The following THRB variants were observed in gnomAD, a reference collection of about 807,000 sequenced individuals.
THRB encodes nuclear receptor subfamily 1 group A member 2.
Under a neutral mutation model 47.8 loss-of-function variants are expected in THRB, and 12 were observed. The observed-to-expected ratio is 0.25, with a 90% CI of 0.16 to 0.41. THRB has a LOEUF of 0.41. Among genes scored for constraint, THRB ranks in the 10% least tolerant of loss-of-function variants. The pLI is 1.00. For synonymous variants in THRB, 218 were observed against 212.2 expected, an observed-to-expected ratio of 1.03 and a Z score of -0.24; for missense variants, 348 against 589.2, an observed-to-expected ratio of 0.59 and a Z score of 4.24.
chr3:24,214,614 A>T (rs826249), intron 4 of THRB, among the ~76,000 whole-genome samples: 87,807 of 152,000 alleles, frequency 0.58, 25,480 homozygotes, highest in Admixed American at 0.66. Flanking sequence ...AGATGCCGAC[A>T]TGGTGTTATC....
intron 5 of THRB, among the ~76,000 whole-genome samples, chr3:24,176,049 A>C (rs2041106895): frequency 6.6e-6 from 1 of 152,162 alleles, no homozygotes; most frequent in Non-Finnish European, 1.5e-5. Flanking sequence ...AAATTCTAAG[A>C]TCACTTCAAT....
intron 1 of THRB, among the ~76,000 whole-genome samples, chr3:24,371,146 G>A (rs2064874374): frequency 6.6e-6 from 1 of 152,066 alleles, no homozygotes; most frequent in African/African-American, 2.4e-5. Context: ...CTGAGCAATA[G>A]AGTGGTTAGA....
chr3:24,320,774 T>G (rs2058433999), intron 2 of THRB, among the ~76,000 whole-genome samples: 1 of 152,142 alleles, frequency 6.6e-6, no homozygotes, highest in African/African-American at 2.4e-5. Flanking sequence ...AGTGACTCAT[T>G]GAACTTACCC....
At chr3:24,327,007 C>G (rs1393009685) in intron 2 of THRB, among the ~76,000 whole-genome samples, 2 of 152,008 alleles carry the variant, frequency 1.3e-5, no homozygotes, top group Non-Finnish European at 2.9e-5. Context: ...TCATGATCCG[C>G]CCGCCTCAGC....
Position 24,205,208 on chromosome 3 carries a change from C to A in THRB, c.23-14874G>T, listed in dbSNP as rs528946235. On this transcript the variant is annotated intron_variant, in intron 4 of 10. Transcript: ENST00000646209. ...CTCCAAGACACATAATTGTCAGATT[C>A]ACCAAAGTTGAAATGAAGGAAAAAA... 6.6e-5 allele frequency among the ~76,000 whole-genome samples: 10 copies of A among 152,248 alleles called. No homozygotes were observed. The South Asian group carries it at 2.1e-3, about 32-fold the overall frequency.
chr3:24,404,382 A>G (rs1444064020), intron 1 of THRB, among the ~76,000 whole-genome samples: 1 of 151,952 alleles, frequency 6.6e-6, no homozygotes, highest in Non-Finnish European at 1.5e-5. Context: ...ATCAAAGCAG[A>G]ATTTTCACAC....
At chr3:24,126,437 G>T (rs531748442) in intron 10 of THRB, among the ~76,000 whole-genome samples, 3 of 152,206 alleles carry the variant, frequency 2.0e-5, no homozygotes, top group South Asian at 4.2e-4. Context: ...ACTCTACAAA[G>T]AATTCTCGAT....
intron 1 of THRB, among the ~76,000 whole-genome samples, chr3:24,340,082 A>G (rs943324032): frequency 6.6e-6 from 1 of 152,218 alleles, no homozygotes; most frequent in Non-Finnish European, 1.5e-5. Context: ...ACTGCTCCCA[A>G]TTAATGCAAA....
intron 4 of THRB, among the ~76,000 whole-genome samples, chr3:24,195,844 T>C (rs2043892799): frequency 1.3e-5 from 2 of 152,232 alleles, no homozygotes; most frequent in African/African-American, 4.8e-5. Context: ...TCCCTGTCAT[T>C]GAGGTTTGAG....
chr3:24,188,732 A>G (rs1205516256), intron 5 of THRB, among the ~76,000 whole-genome samples: 1 of 127,258 alleles, frequency 7.9e-6, no homozygotes, highest in Non-Finnish European at 1.6e-5. Context: ...ATTGCAAACA[A>G]ATGTATTTTG....
In THRB at chr3:24,118,044, C is replaced by T. The variant is rs1481455522; in HGVS notation, c.*4840G>A. 1 of 152,212 alleles carries T rather than the reference C, an allele frequency of 6.6e-6. No individual in the cohort carries two copies. The highest frequency in any genetic ancestry group is 1.5e-5 in the Non-Finnish European group (1 of 68,024). The allele number at this position is 152,212 out of a possible 1,614,324, so 9.4% of individuals were successfully genotyped here. On this transcript the variant is annotated 3_prime_UTR_variant, in exon 11 of 11. Coordinates refer to ENST00000646209, the MANE Select transcript of THRB (RefSeq NM_001354712.2). Reference sequence around the variant, plus strand: ...TTTTACTTAGTTTCTTCTCTCCCTCCATAGTTTCTTCTCAAGTAAATTTGC... The same window carrying T: ...TTTTACTTAGTTTCTTCTCTCCCTCTATAGTTTCTTCTCAAGTAAATTTGC...
At chr3:24,494,909 G>T (rs781633149), upstream of THRB, 6 of 152,302 alleles carry the variant, frequency 3.9e-5, no homozygotes, top group Non-Finnish European at 8.8e-5. Context: ...TCCCGGCGGC[G>T]GGGTCCCGGG....
intron 5 of THRB, among the ~76,000 whole-genome samples, chr3:24,166,974 G>A (rs1395412380): frequency 6.6e-6 from 1 of 152,000 alleles, no homozygotes; most frequent in East Asian, 1.9e-4. Context: ...AGGAGTTGGT[G>A]GCTACAGAGA....
intron 1 of THRB, among the ~76,000 whole-genome samples, chr3:24,434,540 C>G (rs371594812): frequency 1.3e-5 from 2 of 152,198 alleles, no homozygotes; most frequent in South Asian, 2.1e-4. Flanking sequence ...TGTGAAAAGG[C>G]TTTGCCATCC....
intron 1 of THRB, among the ~76,000 whole-genome samples, chr3:24,382,352 C>T (rs2065776971): frequency 6.6e-6 from 1 of 151,872 alleles, no homozygotes; most frequent in Non-Finnish European, 1.5e-5. Context: ...TCTTCTTTTG[C>T]TAGTCAAAGG....
At chr3:24,327,850 T>C (rs2061689270) in intron 2 of THRB, among the ~76,000 whole-genome samples, 2 of 152,142 alleles carry the variant, frequency 1.3e-5, no homozygotes, top group South Asian at 2.1e-4. Flanking sequence ...TCTGAGAGTA[T>C]TCTACTGCTA....
intron 4 of THRB, among the ~76,000 whole-genome samples, chr3:24,228,632 C>CAA (rs1213827281): frequency 6.8e-5 from 4 of 59,178 alleles, no homozygotes; most frequent in Non-Finnish European, 9.8e-5. Flanking sequence ...GACCATGTCT[C>CAA]AAAGAAAAAA....
chr3:24,323,453 T>C (rs1048804201), intron 2 of THRB, among the ~76,000 whole-genome samples: 1 of 152,204 alleles, frequency 6.6e-6, no homozygotes, highest in Non-Finnish European at 1.5e-5. Flanking sequence ...CCTTCTCCAA[T>C]TTTACTGTGC....
At chr3:24,292,907 T>TG (rs766312451) in intron 3 of THRB, among the ~76,000 whole-genome samples, 5 of 152,012 alleles carry the variant, frequency 3.3e-5, no homozygotes, top group Non-Finnish European at 7.4e-5. Flanking sequence ...GGCATTTCAA[T>TG]GAAAAAAAAC....
Sources: allele counts gnomAD v4.1 joint callset (sites outside exome capture counted in the v4.1 genomes callset), GRCh38; gene constraint gnomAD v4.1.1; transcripts MANE v1.5; gene names NCBI Gene and HGNC (gene_info 2026-07-23, HGNC 2026-07-21).